The following DENND4C variants were observed in gnomAD, a reference collection of about 807,000 sequenced individuals.
DENND4C encodes DENN domain-containing protein 4C.
In DENND4C, 108 loss-of-function variants were observed where a neutral mutation model predicts 203.0. The ratio of observed to expected loss-of-function variants is 0.53; its 90% CI spans 0.46 to 0.62. The LOEUF is 0.62. Ranked by LOEUF, DENND4C falls within the 20% of genes least tolerant of loss-of-function variation. DENND4C has a pLI of 0.00. For missense variants in DENND4C, 2,481 were observed against 2,301.2 expected (o/e 1.08, Z -1.60); for synonymous variants, 871 against 792.4 (o/e 1.10, Z -1.67).
intron 2 of DENND4C, among the ~76,000 whole-genome samples, chr9:19,279,022 A>G (rs1376974774): frequency 2.0e-5 from 3 of 152,178 alleles, no homozygotes; most frequent in Non-Finnish European, 2.9e-5. Context: ...CTGAATCACA[A>G]TCTGTATTCT....
intron 22 of DENND4C, among the ~76,000 whole-genome samples, chr9:19,343,851 T>C (rs932268885): frequency 1.3e-5 from 2 of 152,198 alleles, no homozygotes; most frequent in Non-Finnish European, 2.9e-5. Context: ...ATAATGGGGC[T>C]TTTGTCAGTA....
chr9:19,242,317 C>G (rs1481741090), intron 1 of DENND4C, among the ~76,000 whole-genome samples: 3 of 152,208 alleles, frequency 2.0e-5, no homozygotes, highest in Non-Finnish European at 4.4e-5. Flanking sequence ...TTTATCCATT[C>G]ACCTGTCAAA....
chr9:19,249,120 G>A (rs1825949814), intron 1 of DENND4C, among the ~76,000 whole-genome samples: 1 of 151,828 alleles, frequency 6.6e-6, no homozygotes, highest in African/African-American at 2.4e-5. Context: ...GAAAATATAA[G>A]TTTACTAATT....
chr9:19,363,951 T>C (rs1454708720), intron 30 of DENND4C, among the ~76,000 whole-genome samples: 1 of 151,940 alleles, frequency 6.6e-6, no homozygotes, highest in Non-Finnish European at 1.5e-5. Flanking sequence ...GAAGCAGAGG[T>C]TGCAATGAGC....
At position 19,299,217 on chromosome 9, in the gene DENND4C, T is replaced by C; in HGVS notation, c.1108-12T>C. ...TTATCTTTGGTTAATTTATCTTTTTTTTTTTTTTAAGCTGTCAGTCCATGA... is the reference window on the plus strand; with the variant it reads ...TTATCTTTGGTTAATTTATCTTTTTCTTTTTTTTAAGCTGTCAGTCCATGA... On this transcript the variant is annotated splice_polypyrimidine_tract_variant and intron_variant, in intron 7 of 32. Coordinates refer to ENST00000434457, the MANE Select transcript of DENND4C (RefSeq NM_001330640.2). 1 of 1,556,774 alleles carries C rather than the reference T, an allele frequency of 6.4e-7. No homozygotes were observed. The highest frequency in any genetic ancestry group is 8.6e-7 in the Non-Finnish European group (1 of 1,159,006).
Position 19,321,831 on chromosome 9 carries a change from CAAAAA to C in DENND4C, c.1808-2516_1808-2512del, listed in dbSNP as rs35648828. Among the ~76,000 whole-genome samples, 224 of 86,870 alleles carry C rather than the reference CAAAAA, an allele frequency of 2.6e-3. 1 individual carries two copies. Among genetic ancestry groups the C allele is most frequent in the Non-Finnish European group, 4.7e-3 (193 of 41,470 alleles). The allele number at this position is 86,870 out of a possible 152,430, so 57.0% of individuals were successfully genotyped here. A position where few individuals can be genotyped will look rare whatever the true frequency, so the allele number is the denominator to read the frequency against. On this transcript the variant is annotated intron_variant, in intron 12 of 32. Coordinates refer to ENST00000434457, the MANE Select transcript of DENND4C (RefSeq NM_001330640.2). ...TGGGTAATAGAGTGAGACTCCATCT[CAAAAA>C]AAAAAAAAAAAAAAGAGAAATAGCT...
Position 19,336,723 on chromosome 9 carries a change from G to A in DENND4C, c.2772G>A (p.Thr924=), listed in dbSNP as rs747793835. 4.5e-6 allele frequency: 7 copies of A among 1,551,040 alleles called. No homozygotes were observed. The highest frequency in any genetic ancestry group is 2.0e-5 in the Admixed American group (1 of 50,988). Residue 924 remains threonine, a synonymous_variant, in exon 20 of 33, where the codon ACG becomes ACA. Transcript: ENST00000434457. ...QNVTGGSDGD[T]VSHGSVDSSN... is the part of the protein sequence containing the mutation. Reference sequence around the variant, plus strand: ...TCACAGGTGGAAGTGATGGGGACACGGTGAGCCACGGTAGTGTGGATAGTT... The same window carrying A: ...TCACAGGTGGAAGTGATGGGGACACAGTGAGCCACGGTAGTGTGGATAGTT...
chr9:19,260,588 G>A (rs141509943), intron 1 of DENND4C, among the ~76,000 whole-genome samples: 1 of 152,134 alleles, frequency 6.6e-6, no homozygotes, highest in African/African-American at 2.4e-5. Context: ...AGTAGAGACG[G>A]GGTTTCATTA....
chr9:19,287,354 T>C (rs368384503), intron 3 of DENND4C, among the ~76,000 whole-genome samples: 6 of 152,198 alleles, frequency 3.9e-5, no homozygotes, highest in Non-Finnish European at 7.4e-5. Flanking sequence ...TACATTCATT[T>C]ATTCATTCAT....
chr9:19,371,999 T>G (rs201252800), intron 32 of DENND4C, 38 bp from the exon 33 acceptor site: 146 of 1,594,686 alleles, frequency 9.2e-5, no homozygotes, highest in Non-Finnish European at 1.2e-4. Context: ...TTGTCTTTCT[T>G]AACAAATTAC....
intron 2 of DENND4C, among the ~76,000 whole-genome samples, chr9:19,277,671 C>T (rs1833158523): frequency 6.6e-6 from 1 of 151,778 alleles, no homozygotes; most frequent in African/African-American, 2.4e-5. Context: ...TGTGTAATTA[C>T]TCTGGCTAGA....
intron 5 of DENND4C, chr9:19,292,438 A>C (rs1836538908): frequency 6.6e-6 from 1 of 152,208 alleles, no homozygotes; most frequent in African/African-American, 2.4e-5. Context: ...TGTATATAAC[A>C]GTAATAATGA....
At chr9:19,241,745 C>G (rs141799039) in intron 1 of DENND4C, among the ~76,000 whole-genome samples, 4 of 152,000 alleles carry the variant, frequency 2.6e-5, no homozygotes, top group African/African-American at 9.6e-5. Flanking sequence ...ATAAGTAGAA[C>G]GGTGACTCTC....
intron 30 of DENND4C, among the ~76,000 whole-genome samples, chr9:19,367,696 T>C (rs529936627): frequency 6.6e-6 from 1 of 152,284 alleles, no homozygotes; most frequent in African/African-American, 2.4e-5. Context: ...GCTGAGATTC[T>C]GCTGCTGCAC....
At chr9:19,338,215 C>A (rs1343261735) in intron 20 of DENND4C, among the ~76,000 whole-genome samples, 1 of 151,942 alleles carries the variant, frequency 6.6e-6, no homozygotes, top group Non-Finnish European at 1.5e-5. Flanking sequence ...TTTATTTCCT[C>A]TAGTATTTTT....
At chr9:19,335,576 T>C (rs1376236528) in intron 18 of DENND4C, among the ~76,000 whole-genome samples, 1 of 152,182 alleles carries the variant, frequency 6.6e-6, no homozygotes, top group Non-Finnish European at 1.5e-5. Flanking sequence ...TTCACTTTCC[T>C]GGATCTCATA....
rs118035972 is a variant in DENND4C at position 19,247,039 on chromosome 9, T to C, written c.-18+16206T>C. Among the ~76,000 whole-genome samples, 662 of 152,328 alleles carry C rather than the reference T, an allele frequency of 4.3e-3. 7 individuals are homozygous for C. The highest frequency in any genetic ancestry group is 5.2e-3 in the Non-Finnish European group (354 of 68,024). On this transcript the variant is annotated intron_variant, in intron 1 of 32. Transcript: ENST00000434457. The stretch of plus-strand genomic sequence containing the variant: ...CCAACTGAAATCACTCTTGTCAGTG[T>C]TCTCAATCCGTAAATTACTCTGCCT...
At chr9:19,277,482 A>T (rs1337278959) in intron 2 of DENND4C, among the ~76,000 whole-genome samples, 1 of 152,286 alleles carries the variant, frequency 6.6e-6, no homozygotes, top group East Asian at 1.9e-4. Context: ...TTGCTGGTGT[A>T]TAGAAATAGC....
chr9:19,373,392 T>C lies in DENND4C; in HGVS notation c.*1219T>C, dbSNP rs893942372. 1 of 152,662 alleles carries C rather than the reference T, an allele frequency of 6.6e-6. No individual in the cohort carries two copies. Among genetic ancestry groups the C allele is most frequent in the African/African-American group, 2.4e-5 (1 of 41,470 alleles). The allele number at this position is 152,662 out of a possible 1,614,324, so 9.5% of individuals were successfully genotyped here. Reference sequence around the variant, plus strand: ...GGAATGTGCTTAAAATGCTAAAGTGTATGTCATTGAACATGAAATCTTTTT... The same window carrying C: ...GGAATGTGCTTAAAATGCTAAAGTGCATGTCATTGAACATGAAATCTTTTT... On this transcript the variant is annotated 3_prime_UTR_variant, in exon 33 of 33. Coordinates refer to ENST00000434457, the MANE Select transcript of DENND4C (RefSeq NM_001330640.2).
Sources: gnomAD v4.1 joint callset for allele counts (sites outside exome capture counted in the v4.1 genomes callset) on GRCh38, gnomAD v4.1.1 for gene constraint, MANE v1.5 for transcripts, NCBI Gene and HGNC (gene_info 2026-07-23, HGNC 2026-07-21) for gene names.